The following FCHSD2 variants were observed in gnomAD, a reference collection of about 807,000 sequenced individuals.
FCHSD2 encodes F-BAR and double SH3 domains protein 2.
FCHSD2 carries 38 observed loss-of-function variants against 108.1 expected under a neutral mutation model. The ratio of observed to expected loss-of-function variants is 0.35; its 90% CI spans 0.27 to 0.46. The LOEUF (loss-of-function observed/expected upper bound fraction) is 0.46, where lower values mean the gene tolerates loss of function less well. Among genes scored for constraint, FCHSD2 ranks in the 20% least tolerant of loss-of-function variants. The pLI, the probability that FCHSD2 is intolerant of heterozygous loss-of-function variation, is 1.00. For synonymous variants in FCHSD2, 279 were observed against 314.7 expected (o/e 0.89, Z 1.20); for missense variants, 751 against 897.8 (o/e 0.84, Z 2.09).
chr11:72,991,241 G>A (rs1016714086), intron 5 of FCHSD2, among the ~76,000 whole-genome samples: 2 of 152,102 alleles, frequency 1.3e-5, no homozygotes, highest in South Asian at 2.1e-4. Flanking sequence ...ACCAAAAACA[G>A]TCCAGGACCA....
At position 73,016,004 on chromosome 11, in the gene FCHSD2, G is replaced by GA. The variant is rs917774238; in HGVS notation, c.166-120dup. 5.7e-4 allele frequency: 357 copies of GA among 631,788 alleles called. 1 individual carries two copies. Among genetic ancestry groups the GA allele is most frequent in the Admixed American group, 9.4e-4 (29 of 30,746 alleles). 39.1% of individuals were successfully genotyped at this position (631,788 alleles called of 1,614,324 possible). On this transcript the variant is annotated intron_variant, in intron 3 of 19. Coordinates refer to ENST00000409418, the MANE Select transcript of FCHSD2 (RefSeq NM_014824.3). ...CCAAATGTAAATTTAATTCAGAAGT[G>GA]AAAAAAAACAATGATAGGCTGCACG...
chr11:72,847,286 T>C (rs1001576670), intron 14 of FCHSD2, among the ~76,000 whole-genome samples: 2 of 152,198 alleles, frequency 1.3e-5, no homozygotes, highest in African/African-American at 2.4e-5. Flanking sequence ...GCATGAGCCA[T>C]TGCATCCAGT....
rs1295783666 is a variant in FCHSD2 at position 72,939,095 on chromosome 11, G to A, written c.706-17145C>T. On this transcript the variant is annotated intron_variant, in intron 8 of 19. Coordinates refer to ENST00000409418, the MANE Select transcript of FCHSD2 (RefSeq NM_014824.3). Reference sequence around the variant, plus strand: ...TTATTCAGGATAATAAATATTTTAAGTACAGAGCCTATGAAAAAAAGAATC... The same window carrying A: ...TTATTCAGGATAATAAATATTTTAAATACAGAGCCTATGAAAAAAAGAATC... 2.0e-5 allele frequency among the ~76,000 whole-genome samples: 3 copies of A among 152,044 alleles called. No individual in the cohort carries two copies. In the East Asian group the frequency reaches 5.8e-4, roughly 29 times the overall value.
At chr11:72,900,287 A>G (rs1228454972) in intron 10 of FCHSD2, 1 of 1,549,184 alleles carries the variant, frequency 6.5e-7, no homozygotes, top group East Asian at 2.4e-5. Flanking sequence ...GAGCACTGAC[A>G]GGGGAGAGCT....
chr11:72,903,683 T>C (rs1266528128), intron 9 of FCHSD2, among the ~76,000 whole-genome samples: 2 of 152,164 alleles, frequency 1.3e-5, no homozygotes, highest in Admixed American at 1.3e-4. Context: ...CCATATCGCT[T>C]ACCCCTTACT....
chr11:72,901,033 A>T (rs1393159195), intron 10 of FCHSD2, among the ~76,000 whole-genome samples: 1 of 152,178 alleles, frequency 6.6e-6, no homozygotes, highest in Non-Finnish European at 1.5e-5. Context: ...GTTCTTTTTT[A>T]AAAATTTAAA....
chr11:72,909,273 G>A (rs1565317124), intron 9 of FCHSD2, among the ~76,000 whole-genome samples: 1 of 152,286 alleles, frequency 6.6e-6, no homozygotes, highest in East Asian at 1.9e-4. Context: ...TTGACCTCGA[G>A]TGATCTGCCC....
Position 73,000,979 on chromosome 11 carries a change from A to G in FCHSD2, c.387+11T>C. On this transcript the variant is annotated intron_variant, in intron 5 of 19. Transcript: ENST00000409418. Reference sequence around the variant, plus strand: ...TTAAAATGCATATAAGAACAGAAATAAAAACAATACCCTTTTTAGTTGCTG... The same window carrying G: ...TTAAAATGCATATAAGAACAGAAATGAAAACAATACCCTTTTTAGTTGCTG... 6.3e-7 allele frequency: 1 copy of G among 1,594,874 alleles called. No individual in the cohort carries two copies. Among genetic ancestry groups the G allele is most frequent in the Non-Finnish European group, 8.5e-7 (1 of 1,169,604 alleles).
chr11:72,853,754 A>G (rs1861354104), intron 13 of FCHSD2, among the ~76,000 whole-genome samples: 1 of 152,202 alleles, frequency 6.6e-6, no homozygotes, highest in Non-Finnish European at 1.5e-5. Flanking sequence ...AAAAATATGT[A>G]TGCATCAAAG....
chr11:73,026,590 T>C lies in FCHSD2; in HGVS notation c.166-10705A>G, dbSNP rs1460100407. ...TTTAAAGATAGGGGGAGGTGGTTTGTATATTCAAATAGACTTAATTGAGAA... is the reference window on the plus strand; with the variant it reads ...TTTAAAGATAGGGGGAGGTGGTTTGCATATTCAAATAGACTTAATTGAGAA... On this transcript the variant is annotated intron_variant, in intron 3 of 19. Transcript: ENST00000409418. 5.9e-5 allele frequency among the ~76,000 whole-genome samples: 9 copies of C among 152,210 alleles called. No individual in the cohort carries two copies. The South Asian group carries it at 6.2e-4, about 10-fold the overall frequency.
chr11:73,027,596 A>G (rs1213654210), intron 3 of FCHSD2, among the ~76,000 whole-genome samples: 1 of 152,258 alleles, frequency 6.6e-6, no homozygotes, highest in African/African-American at 2.4e-5. Flanking sequence ...TTCTGAAGAG[A>G]AATTCAAGCT....
At chr11:73,003,300 C>T (rs541384549) in intron 4 of FCHSD2, among the ~76,000 whole-genome samples, 22 of 152,210 alleles carry the variant, frequency 1.4e-4, no homozygotes, top group Admixed American at 5.9e-4. Context: ...CCTCACAGGG[C>T]TATTTTAAAA....
At chr11:73,097,559 G>A (rs1303613571) in intron 2 of FCHSD2, among the ~76,000 whole-genome samples, 3 of 146,138 alleles carry the variant, frequency 2.1e-5, no homozygotes, top group Non-Finnish European at 4.5e-5. Context: ...ATCATTAACT[G>A]TTTGGTAGAA....
chr11:73,118,890 C>T (rs1283816035), intron 2 of FCHSD2, among the ~76,000 whole-genome samples: 1 of 152,206 alleles, frequency 6.6e-6, no homozygotes, highest in Non-Finnish European at 1.5e-5. Context: ...CATTTGGTTC[C>T]TGAGCCCTCT....
At chr11:72,990,709 G>A (rs1857394918) in intron 5 of FCHSD2, among the ~76,000 whole-genome samples, 2 of 152,208 alleles carry the variant, frequency 1.3e-5, no homozygotes, top group Admixed American at 1.3e-4. Flanking sequence ...ATTCAAAGCA[G>A]TGTGTACAGG....
intron 19 of FCHSD2, 27 bp downstream of exon 19, chr11:72,840,850 G>T: frequency 1.3e-6 from 2 of 1,523,178 alleles, no homozygotes; most frequent in Non-Finnish European, 1.8e-6. Context: ...CTATGCATTC[G>T]ATAATCCTGC....
chr11:72,941,012 A>G (rs1856405977), intron 8 of FCHSD2: 1 of 739,278 alleles, frequency 1.4e-6, no homozygotes, highest in East Asian at 2.5e-5. Flanking sequence ...CGAAAGAGCC[A>G]TGGGCTTGGA....
Position 73,135,868 on chromosome 11 carries a change from G to A in FCHSD2, c.119+4163C>T, listed in dbSNP as rs182102151. ...GAAATTCCAAAAGATAAGAACTGGG[G>A]ATTAAGGGGTGCGTTGCAGCAGTAG... is the stretch of plus-strand genomic sequence containing the variant. On this transcript the variant is annotated intron_variant, in intron 2 of 19. Coordinates refer to ENST00000409418, the MANE Select transcript of FCHSD2 (RefSeq NM_014824.3). Among the ~76,000 whole-genome samples the A allele has an allele frequency of 8.5e-5, 13 of 152,234 alleles. No homozygotes were observed. The East Asian group carries it at 2.5e-3, about 29-fold the overall frequency.
At chr11:73,119,604 ACCTGGC>A (rs1860684955) in intron 2 of FCHSD2, among the ~76,000 whole-genome samples, 1 of 151,974 alleles carries the variant, frequency 6.6e-6, no homozygotes, top group African/African-American at 2.4e-5. Context: ...ATGCCACCAT[ACCTGGC>A]TAATTTTTTT....
Sources: allele counts gnomAD v4.1 joint callset (sites outside exome capture counted in the v4.1 genomes callset), GRCh38; gene constraint gnomAD v4.1.1; transcripts MANE v1.5; gene names NCBI Gene and HGNC (gene_info 2026-07-23, HGNC 2026-07-21).